COBL: variants seen among roughly 807,000 people sequenced by gnomAD.
COBL encodes cordon-bleu WH2 repeat protein.
In COBL, 51 loss-of-function variants were observed where a neutral mutation model predicts 98.8. The ratio of observed to expected loss-of-function variants is 0.52; its 90% CI spans 0.41 to 0.65. The LOEUF is 0.65. COBL is among the 30% of genes least tolerant of loss of function. The pLI, the probability that COBL is intolerant of heterozygous loss-of-function variation, is 0.00. For missense variants in COBL, 1,617 were observed against 1,617.5 expected, an observed-to-expected ratio of 1.00 and a Z score of 0.01; for synonymous variants, 634 against 651.7, an observed-to-expected ratio of 0.97 and a Z score of 0.41.
chr7:51,214,004 G>A (rs575373016), intron 2 of COBL, among the ~76,000 whole-genome samples: 25 of 152,188 alleles, frequency 1.6e-4, no homozygotes, highest in African/African-American at 5.3e-4. Flanking sequence ...GGTGGCTCAC[G>A]CCTGTAATCC....
At chr7:51,240,290 G>A (rs1795666591) in intron 1 of COBL, among the ~76,000 whole-genome samples, 1 of 152,158 alleles carries the variant, frequency 6.6e-6, no homozygotes, top group Admixed American at 6.5e-5. Context: ...AACACTGTGA[G>A]TATTCATACA....
In COBL at chr7:51,029,380, A is replaced by G. The variant is rs769675908; in HGVS notation, c.1716T>C (p.Val572=). The G allele has an allele frequency of 1.2e-6, 2 of 1,611,562 alleles. No individual in the cohort carries two copies. Among genetic ancestry groups the G allele is most frequent in the Admixed American group, 3.3e-5 (2 of 59,974 alleles). Residue 572 remains valine (V), a synonymous_variant, in exon 10 of 13, where the codon GTT becomes GTC. Transcript: ENST00000265136. ...GCGCCAGGGAGTCTCTCCTGCTGGC[A>G]ACACCCTCCGAGTCGAAAGACCCAG... is the stretch of plus-strand genomic sequence containing the variant. The part of the protein sequence containing the change: ...NNAGSFDSEG[V]ASRRDSLAPL...
At chr7:51,080,660 T>G (rs1415457516) in intron 7 of COBL, among the ~76,000 whole-genome samples, 1 of 152,210 alleles carries the variant, frequency 6.6e-6, no homozygotes, top group African/African-American at 2.4e-5. Context: ...GCGTTTGTTA[T>G]GTGAGGAACA....
chr7:51,227,410 C>T (rs1169678880), intron 1 of COBL, among the ~76,000 whole-genome samples: 1 of 152,070 alleles, frequency 6.6e-6, no homozygotes, highest in Non-Finnish European at 1.5e-5. Flanking sequence ...TGGAACAGAC[C>T]CCAGATTAGT....
chr7:51,293,942 A>AT (rs778243385), intron 1 of COBL, among the ~76,000 whole-genome samples: 2 of 152,244 alleles, frequency 1.3e-5, no homozygotes, highest in African/African-American at 4.8e-5. Context: ...TGCTCCCAGT[A>AT]TATAAGTGAC....
chr7:51,095,235 T>C (rs924535862), intron 6 of COBL, among the ~76,000 whole-genome samples: 18 of 152,314 alleles, frequency 1.2e-4, no homozygotes, highest in African/African-American at 4.1e-4. Context: ...AACTCCCCTT[T>C]ATAAAACCAT....
At chr7:51,154,134 T>C (rs1032808214) in intron 5 of COBL, among the ~76,000 whole-genome samples, 1 of 152,172 alleles carries the variant, frequency 6.6e-6, no homozygotes, top group South Asian at 2.1e-4. Flanking sequence ...ATTCTGGGGA[T>C]TTCCTTTATG....
chr7:51,018,906 ATATATATATATATATATAT>A (rs1370025531), intron 12 of COBL, among the ~76,000 whole-genome samples: 1,204 of 33,800 alleles, frequency 0.036, 244 homozygotes, highest in African/African-American at 0.096. Context: ...AAAAAAAAAA[ATATATATATATATATATAT>A]ATATATATAT....
At chr7:51,138,476 G>A (rs932196973) in intron 5 of COBL, among the ~76,000 whole-genome samples, 6 of 152,160 alleles carry the variant, frequency 3.9e-5, no homozygotes, top group African/African-American at 1.4e-4. Flanking sequence ...TTCTGGAGCT[G>A]GAAAGGTGTT....
chr7:51,265,690 C>T (rs972011511), intron 1 of COBL, among the ~76,000 whole-genome samples: 5 of 152,178 alleles, frequency 3.3e-5, no homozygotes, highest in Non-Finnish European at 7.3e-5. Context: ...CTGGCTTCTC[C>T]GGACACCTGT....
chr7:51,168,121 A>G (rs922759306), intron 5 of COBL, among the ~76,000 whole-genome samples: 3 of 152,214 alleles, frequency 2.0e-5, no homozygotes, highest in African/African-American at 7.2e-5. Flanking sequence ...CAAAATGAAG[A>G]GACAACCCAG....
intron 3 of COBL, among the ~76,000 whole-genome samples, chr7:51,191,556 T>A (rs1034673947): frequency 4.0e-5 from 6 of 150,684 alleles, no homozygotes; most frequent in Admixed American, 1.3e-4. Flanking sequence ...TATATATATA[T>A]AAATACATAT....
intron 4 of COBL, among the ~76,000 whole-genome samples, chr7:51,187,505 T>C (rs1263970158): frequency 6.6e-6 from 1 of 152,100 alleles, no homozygotes; most frequent in Non-Finnish European, 1.5e-5. Flanking sequence ...AATTTTAAAA[T>C]CCATACTGTC....
chr7:51,201,160 A>T (rs1459476979), intron 2 of COBL, among the ~76,000 whole-genome samples: 1 of 151,614 alleles, frequency 6.6e-6, no homozygotes. Context: ...GAATTGCTTG[A>T]ACCCAGGAGA....
intron 6 of COBL, among the ~76,000 whole-genome samples, chr7:51,127,039 C>T (rs1434313260): frequency 6.6e-6 from 1 of 152,148 alleles, no homozygotes; most frequent in African/African-American, 2.4e-5. Context: ...AGTCACGGTC[C>T]CAAGCTGGGG....
In COBL at chr7:51,043,374, G is replaced by GT; in HGVS notation, c.1406+8dup. 1.2e-6 allele frequency: 2 copies of GT among 1,612,250 alleles called. No homozygotes were observed. The highest frequency in any genetic ancestry group is 1.7e-6 in the Non-Finnish European group (2 of 1,178,796). On this transcript the variant is annotated intron_variant, in intron 8 of 12. Coordinates refer to ENST00000265136, the MANE Select transcript of COBL (RefSeq NM_015198.5). ...ACTTCCGTACCCACCCATCCTTCCC[G>GT]TGACTCACCTCAGATGTGAGTTCTC...
chr7:51,270,910 CATATTA>C (rs1318263562), intron 1 of COBL, among the ~76,000 whole-genome samples: 3 of 152,048 alleles, frequency 2.0e-5, no homozygotes, highest in Non-Finnish European at 4.4e-5. Context: ...ATAGTACTGA[CATATTA>C]ACTTATTTTT....
rs76562152 is a variant in COBL at position 51,228,685 on chromosome 7, G to A, written c.42-8741C>T. On this transcript the variant is annotated intron_variant, in intron 1 of 12. Coordinates refer to ENST00000265136, the MANE Select transcript of COBL (RefSeq NM_015198.5). ...CAGGGCCTGTAGATATGGGAACACT[G>A]ATATCTCACAACACATCAAGTAAAT... Among the ~76,000 whole-genome samples the A allele has an allele frequency of 9.4e-3, 1,437 of 152,208 alleles. 9 individuals are homozygous for A. The highest frequency in any genetic ancestry group is 0.016 in the Non-Finnish European group (1,064 of 68,008).
At chr7:51,086,945 T>C (rs1794322342) in intron 6 of COBL, among the ~76,000 whole-genome samples, 1 of 151,954 alleles carries the variant, frequency 6.6e-6, no homozygotes, top group Non-Finnish European at 1.5e-5. Flanking sequence ...ACCAGCAATT[T>C]ATTGTCCACC....
Sources: gnomAD v4.1 joint callset for allele counts (sites outside exome capture counted in the v4.1 genomes callset) on GRCh38, gnomAD v4.1.1 for gene constraint, MANE v1.5 for transcripts, NCBI Gene and HGNC (gene_info 2026-07-23, HGNC 2026-07-21) for gene names.